HEATR4: variants seen among roughly 807,000 people sequenced by gnomAD.
HEATR4 encodes the protein HEAT repeat containing 4.
Under a neutral mutation model 108.8 loss-of-function variants are expected in HEATR4, and 95 were observed. The ratio of observed to expected loss-of-function variants is 0.87; its 90% CI spans 0.74 to 1.04. HEATR4 has a LOEUF of 1.04. Among genes scored for constraint, HEATR4 ranks in the 50% least tolerant of loss-of-function variants. The pLI, the probability that HEATR4 is intolerant of heterozygous loss-of-function variation, is 0.00. For synonymous variants in HEATR4, 443 were observed against 459.4 expected, an observed-to-expected ratio of 0.96 and a Z score of 0.46; for missense variants, 1,152 against 1,253.8, an observed-to-expected ratio of 0.92 and a Z score of 1.23.
Position 73,492,291 on chromosome 14 carries a change from G to T in HEATR4, c.2844+775C>A, listed in dbSNP as rs1885821623. On this transcript the variant is annotated intron_variant, in intron 17 of 17. Transcript: ENST00000553558. The surrounding 1 kb of genome is among the most constrained non-coding windows in gnomAD (Gnocchi z 4.9). ...CACCTCACCTTGTCCACGTACCAGCGCAATACCTGGGGTGACTTCTTAGAG... is the reference window on the plus strand; with the variant it reads ...CACCTCACCTTGTCCACGTACCAGCTCAATACCTGGGGTGACTTCTTAGAG... 6.2e-7 allele frequency: 1 copy of T among 1,614,006 alleles called. No homozygotes were observed. The highest frequency in any genetic ancestry group is 1.1e-5 in the South Asian group (1 of 91,080).
At chr14:73,598,354 C>T in the HEATR4 span, among the ~76,000 whole-genome samples, 1 of 149,052 alleles carries the variant, frequency 6.7e-6, no homozygotes, top group African/African-American at 2.5e-5. Context: ...CATGCCACTG[C>T]ACTCCAGCCT....
rs751072948 is a variant in HEATR4, at chr14:73,520,947, T to C, written c.974A>G (p.Gln325Arg). The change falls in exon 4 of 18, where the codon CAG becomes CGG. Residue 325 changes from glutamine to arginine, a missense_variant. Gln to Arg is a conservative substitution (Grantham distance 43). Transcript: ENST00000553558. ...GCGAAAGTAGCTCTGGGTTTGGGGC[T>C]GGGAGAGGCTCGTCTTTTCATGGAT... ...EDIHEKTSLS[Q>R]PQTQSYFRQV... 1 of 1,613,982 alleles carries C rather than the reference T, an allele frequency of 6.2e-7. No homozygotes were observed. Among genetic ancestry groups the C allele is most frequent in the Non-Finnish European group, 8.5e-7 (1 of 1,180,008 alleles).
the HEATR4 span, among the ~76,000 whole-genome samples, chr14:73,629,720 C>G: frequency 1.3e-5 from 2 of 151,788 alleles, no homozygotes; most frequent in African/African-American, 4.8e-5. Context: ...TCTCAGCTCA[C>G]TGCAAGCTCT....
the HEATR4 span, among the ~76,000 whole-genome samples, chr14:73,580,310 T>C: frequency 2.0e-5 from 3 of 151,960 alleles, no homozygotes; most frequent in African/African-American, 7.2e-5. Context: ...TAATTTTTTG[T>C]AGAAACAGCG....
At chr14:73,495,504 G>A (rs934221767) in intron 15 of HEATR4, 117 bp from the exon 16 acceptor site, 31 of 806,566 alleles carry the variant, frequency 3.8e-5, no homozygotes, top group Non-Finnish European at 5.6e-5. Context: ...GATCACTTGA[G>A]CCCAACAGTT....
At chr14:73,615,203 T>C in the HEATR4 span, among the ~76,000 whole-genome samples, 3 of 148,040 alleles carry the variant, frequency 2.0e-5, no homozygotes, top group East Asian at 4.0e-4. Flanking sequence ...CTGGCCAAGA[T>C]GGTGAAACCC....
chr14:73,619,894 G>T, the HEATR4 span: 35 of 1,447,464 alleles, frequency 2.4e-5, no homozygotes, highest in Middle Eastern at 2.0e-4. Context: ...TACAACTTGT[G>T]TTGGGTTTTC....
chr14:73,563,606 G>C (rs201795723), upstream of HEATR4, among the ~76,000 whole-genome samples: 4 of 151,740 alleles, frequency 2.6e-5, no homozygotes, highest in East Asian at 7.7e-4. Flanking sequence ...TCTGGAAATG[G>C]ATAATGGTGA....
Position 73,491,008 on chromosome 14 carries a change from T to C in HEATR4, c.2844+2058A>G, listed in dbSNP as rs1353118958. On this transcript the variant is annotated intron_variant, in intron 17 of 17. Transcript: ENST00000553558. ...GCCGGCCGGGCGGGGAAGACTGGTGTGGTCTGGCCATGGATGGGCTCCAGG... is the reference window on the plus strand; with the variant it reads ...GCCGGCCGGGCGGGGAAGACTGGTGCGGTCTGGCCATGGATGGGCTCCAGG... The C allele has an allele frequency of 4.1e-5, 58 of 1,416,080 alleles. No homozygotes were observed. In the Admixed American group the frequency reaches 1.6e-3, roughly 40 times the overall value. The allele number at this position is 1,416,080 out of a possible 1,614,324, so 87.7% of individuals were successfully genotyped here.
Position 73,499,064 on chromosome 14 carries a change from A to G in HEATR4, c.2356+7T>C, listed in dbSNP as rs766813563. ...TTGAAGAGTTTGGGGCACTACTTCT[A>G]TAATACCTCGAATGGCAAAGGCCTT... is the stretch of plus-strand genomic sequence containing the variant. On this transcript the variant is annotated splice_region_variant and intron_variant, in intron 13 of 17. Transcript: ENST00000553558. The G allele has an allele frequency of 8.7e-6, 14 of 1,613,152 alleles. No individual in the cohort carries two copies. The highest frequency in any genetic ancestry group is 7.7e-5 in the South Asian group (7 of 91,070).
intron 5 of HEATR4, among the ~76,000 whole-genome samples, chr14:73,515,290 G>C (rs547063449): frequency 1.3e-5 from 2 of 152,138 alleles, no homozygotes; most frequent in South Asian, 4.2e-4. Context: ...TTTTTTCCAA[G>C]ATTTCATTCT....
chr14:73,573,114 A>G, the HEATR4 span, among the ~76,000 whole-genome samples: 2 of 151,502 alleles, frequency 1.3e-5, no homozygotes, highest in East Asian at 3.9e-4. Flanking sequence ...TCTATGTAGC[A>G]GTCTTTCTTT....
the HEATR4 span, among the ~76,000 whole-genome samples, chr14:73,579,392 T>C: frequency 2.1e-5 from 3 of 142,472 alleles, no homozygotes; most frequent in Non-Finnish European, 4.5e-5. Flanking sequence ...CAGGTCAACA[T>C]GGTGAAACCC....
At chr14:73,511,593 G>A (rs115259028) in intron 7 of HEATR4, among the ~76,000 whole-genome samples, 1,797 of 150,632 alleles carry the variant, frequency 0.012, 33 homozygotes, top group African/African-American at 0.042. Context: ...ATGGGCTCTT[G>A]GCTGGGCACA....
chr14:73,509,866 A>ATATATATATT (rs1566832362), intron 7 of HEATR4, among the ~76,000 whole-genome samples: 1 of 67,504 alleles, frequency 1.5e-5, no homozygotes, highest in Non-Finnish European at 3.0e-5. Flanking sequence ...ATATATATAT[A>ATATATATATT]TATTTATTTA....
the HEATR4 span, chr14:73,612,650 G>A: frequency 7.8e-6 from 11 of 1,407,066 alleles, no homozygotes; most frequent in South Asian, 4.5e-5. Flanking sequence ...GCGCGGCCTG[G>A]CCCCGGAGCA....
At chr14:73,596,037 C>T in the HEATR4 span, 1 of 165,590 alleles carries the variant, frequency 6.0e-6, no homozygotes, top group African/African-American at 2.4e-5. Flanking sequence ...TTTCTTTGGC[C>T]AGAAACATAC....
chr14:73,544,466 A>G, intron 1 of HEATR4, among the ~76,000 whole-genome samples: 1 of 115,410 alleles, frequency 8.7e-6, no homozygotes, highest in Non-Finnish European at 1.9e-5. Context: ...CAAAACCAAT[A>G]CATATTTAGT....
chr14:73,575,445 A>C, the HEATR4 span: 44 of 1,427,008 alleles, frequency 3.1e-5, no homozygotes, highest in South Asian at 5.9e-4. Flanking sequence ...GGATGCTTGG[A>C]AACAACTCCA....
Sources: gnomAD v4.1 joint callset for allele counts (sites outside exome capture counted in the v4.1 genomes callset) on GRCh38, gnomAD v4.1.1 for gene constraint, Gnocchi (gnomAD v3.1) non-coding constraint, MANE v1.5 for transcripts, NCBI Gene and HGNC (gene_info 2026-07-23, HGNC 2026-07-21) for gene names.